YIPF4: variants seen among roughly 807,000 people sequenced by gnomAD.
YIPF4 encodes protein YIPF4.
Under a neutral mutation model 29.4 loss-of-function variants are expected in YIPF4, and 18 were observed. That is an observed-to-expected ratio of 0.61 (90% CI 0.42 to 0.91). YIPF4 has a LOEUF of 0.91. Ranked by LOEUF, YIPF4 falls within the 40% of genes least tolerant of loss-of-function variation. The probability of loss-of-function intolerance (pLI) is 0.00; values close to 1 mark genes in which losing one functional copy is unlikely to be tolerated. For synonymous variants in YIPF4, 115 were observed against 104.7 expected, an observed-to-expected ratio of 1.10 and a Z score of -0.60; for missense variants, 279 against 282.7, an observed-to-expected ratio of 0.99 and a Z score of 0.09.
intron 5 of YIPF4, among the ~76,000 whole-genome samples, chr2:32,304,885 A>G (rs557738833): frequency 6.6e-6 from 1 of 152,306 alleles, no homozygotes; most frequent in South Asian, 2.1e-4. Flanking sequence ...AGTATACTTT[A>G]TTTAAACTCT....
At chr2:32,305,415 T>C in intron 5 of YIPF4, 74 bp from the exon 6 acceptor site, 1 of 1,389,640 alleles carries the variant, frequency 7.2e-7, no homozygotes, top group Non-Finnish European at 9.4e-7. Context: ...AAACACCATT[T>C]TTACTCTATG....
intron 4 of YIPF4, among the ~76,000 whole-genome samples, chr2:32,300,190 CG>C (rs922037601): frequency 3.3e-5 from 5 of 152,062 alleles, no homozygotes; most frequent in African/African-American, 1.2e-4. Context: ...CTCTTGAACC[CG>C]GGAGGCGGAG....
At chr2:32,304,444 C>G (rs1201708406) in intron 5 of YIPF4, among the ~76,000 whole-genome samples, 1 of 151,382 alleles carries the variant, frequency 6.6e-6, no homozygotes, top group Non-Finnish European at 1.5e-5. Flanking sequence ...TCAACAAACC[C>G]AGTGGAAAGA....
intron 3 of YIPF4, among the ~76,000 whole-genome samples, chr2:32,295,049 AGAGGGGGAGGGG>A (rs1001644197): frequency 2.3e-5 from 2 of 87,812 alleles, no homozygotes; most frequent in Non-Finnish European, 4.4e-5. Context: ...CATCAGAGGG[AGAGGGGGAGGGG>A]GAGGGGGAGG....
At chr2:32,298,881 TTA>T (rs2031293158) in intron 4 of YIPF4, among the ~76,000 whole-genome samples, 2 of 151,734 alleles carry the variant, frequency 1.3e-5, no homozygotes, top group South Asian at 4.2e-4. Flanking sequence ...TTATTTATTA[TTA>T]TTATTTTTTT....
At chr2:32,285,703 T>C (rs970886371) in intron 1 of YIPF4, among the ~76,000 whole-genome samples, 6 of 150,968 alleles carry the variant, frequency 4.0e-5, no homozygotes. Context: ...TCACCCAGGC[T>C]AGAGTGCAGT....
At chr2:32,283,107 C>T (rs1245398660) in intron 1 of YIPF4, among the ~76,000 whole-genome samples, 2 of 150,410 alleles carry the variant, frequency 1.3e-5, no homozygotes, top group African/African-American at 4.9e-5. Context: ...TACCCAAGTG[C>T]TCAAATACTT....
intron 3 of YIPF4, 78 bp downstream of exon 3, chr2:32,292,426 A>C (rs1319188592): frequency 9.3e-7 from 1 of 1,071,870 alleles, no homozygotes; most frequent in East Asian, 2.9e-5. Context: ...TATTAACTGT[A>C]ATATACCATA....
At chr2:32,284,583 G>T (rs1300593968) in intron 1 of YIPF4, among the ~76,000 whole-genome samples, 1 of 152,148 alleles carries the variant, frequency 6.6e-6, no homozygotes, top group Non-Finnish European at 1.5e-5. Flanking sequence ...TGCCGTGATT[G>T]TAAGTTTCCT....
intron 5 of YIPF4, among the ~76,000 whole-genome samples, chr2:32,304,722 A>C (rs529370305): frequency 2.0e-5 from 3 of 152,320 alleles, no homozygotes; most frequent in African/African-American, 7.2e-5. Flanking sequence ...GCCTTGTGCC[A>C]GGTCTGTTCC....
At chr2:32,305,431 C>A in intron 5 of YIPF4, 58 bp from the exon 6 acceptor site, 1 of 1,406,426 alleles carries the variant, frequency 7.1e-7, no homozygotes, top group Non-Finnish European at 9.3e-7. Context: ...CTATGATATC[C>A]AAAAAGTTAA....
Position 32,306,341 on chromosome 2 carries a change from C to T in YIPF4, c.*715C>T, listed in dbSNP as rs2031580523. 2 of 985,726 alleles carry T rather than the reference C, an allele frequency of 2.0e-6. No homozygotes were observed. Among genetic ancestry groups the T allele is most frequent in the African/African-American group, 1.7e-5 (1 of 57,332 alleles). 61.1% of individuals were successfully genotyped at this position (985,726 alleles called of 1,614,324 possible). A position where few individuals can be genotyped will look rare whatever the true frequency, so the allele number is the denominator to read the frequency against. The stretch of plus-strand genomic sequence containing the variant: ...TCAAAACCATTTTTGAATGTCCAAA[C>T]ATCTGATTTAAAGTTTCTGTTTATC... On this transcript the variant is annotated 3_prime_UTR_variant, in exon 6 of 6. Transcript: ENST00000238831.
At position 32,290,478 on chromosome 2, in the gene YIPF4, C is replaced by G; in HGVS notation, c.80-5C>G. 6.7e-7 allele frequency: 1 copy of G among 1,503,372 alleles called. No individual in the cohort carries two copies. The highest frequency in any genetic ancestry group is 8.9e-7 in the Non-Finnish European group (1 of 1,125,766). 93.1% of individuals were successfully genotyped at this position (1,503,372 alleles called of 1,614,324 possible). A position where few individuals can be genotyped will look rare whatever the true frequency, so the allele number is the denominator to read the frequency against. On this transcript the variant is annotated splice_region_variant and splice_polypyrimidine_tract_variant and intron_variant, in intron 1 of 5. Transcript: ENST00000238831. ...TTATATAGTTTTATCCTCTTTTCTC[C>G]TAAGATCTCAGTGGTTCAATAGCAT...
intron 1 of YIPF4, among the ~76,000 whole-genome samples, chr2:32,285,284 A>G (rs2148958873): frequency 6.6e-6 from 1 of 152,326 alleles, no homozygotes; most frequent in African/African-American, 2.4e-5. Flanking sequence ...TAATGAAAAA[A>G]ATGGAGGAAG....
intron 1 of YIPF4, among the ~76,000 whole-genome samples, chr2:32,285,384 G>T (rs1264245526): frequency 6.6e-6 from 1 of 152,184 alleles, no homozygotes; most frequent in Non-Finnish European, 1.5e-5. Context: ...TATAAATCTA[G>T]TGAAGAGGAC....
intron 1 of YIPF4, among the ~76,000 whole-genome samples, chr2:32,283,151 A>G (rs1457572549): frequency 6.6e-6 from 1 of 151,514 alleles, no homozygotes; most frequent in East Asian, 1.9e-4. Flanking sequence ...TATATCTGGC[A>G]GAGTTAAGTG....
At chr2:32,280,131 A>ATT (rs1165542152) in intron 1 of YIPF4, among the ~76,000 whole-genome samples, 10 of 146,998 alleles carry the variant, frequency 6.8e-5, no homozygotes, top group African/African-American at 2.6e-4. Flanking sequence ...ATATATATAT[A>ATT]TATATTTTTT....
At position 32,307,237 on chromosome 2, in the gene YIPF4, T is replaced by C. The variant is rs1182644269; in HGVS notation, c.*1611T>C. The C allele has an allele frequency of 1.2e-6, 1 of 861,830 alleles. No individual in the cohort carries two copies. Among genetic ancestry groups the C allele is most frequent in the Non-Finnish European group, 1.6e-6 (1 of 632,712 alleles). The allele number at this position is 861,830 out of a possible 1,614,324, so 53.4% of individuals were successfully genotyped here. On this transcript the variant is annotated 3_prime_UTR_variant, in exon 6 of 6. Transcript: ENST00000238831. ...CTTAAGAAATTGCTGAGGTTAATAC[T>C]TTGTTATAATGGATTATAATATTTG...
intron 1 of YIPF4, among the ~76,000 whole-genome samples, chr2:32,289,072 G>A (rs1390066467): frequency 2.6e-5 from 4 of 152,186 alleles, no homozygotes; most frequent in African/African-American, 9.7e-5. Context: ...TTATAAGAGA[G>A]TATTTTCACT....
Sources: gnomAD v4.1 joint callset for allele counts (sites outside exome capture counted in the v4.1 genomes callset) on GRCh38, gnomAD v4.1.1 for gene constraint, MANE v1.5 for transcripts, NCBI Gene and HGNC (gene_info 2026-07-23, HGNC 2026-07-21) for gene names.